The following CYLD variants were observed in gnomAD, a reference collection of about 807,000 sequenced individuals.
CYLD encodes the protein ubiquitin carboxyl-terminal hydrolase CYLD.
Under a neutral mutation model 104.5 loss-of-function variants are expected in CYLD, and 26 were observed. The ratio of observed to expected loss-of-function variants is 0.25; its 90% confidence interval spans 0.18 to 0.35. The LOEUF is 0.35. CYLD is among the 10% of genes least tolerant of loss of function. The pLI, the probability that CYLD is intolerant of heterozygous loss-of-function variation, is 1.00. For synonymous variants in CYLD, 385 were observed against 399.9 expected, an observed-to-expected ratio of 0.96 and a Z score of 0.45; for missense variants, 703 against 1,136.1, an observed-to-expected ratio of 0.62 and a Z score of 5.48.
rs753052577 is a variant in CYLD, at chr16:50,794,250, C to A, written c.2508C>A (p.Asn836Lys). 2 of 1,614,164 alleles carry A rather than the reference C, an allele frequency of 1.2e-6. No homozygotes were observed. The highest frequency in any genetic ancestry group is 1.7e-6 in the Non-Finnish European group (2 of 1,180,024). ...LHPKRLNHKY[N>K]PVSLPKDLPD... ...CGAAGAGGCTGAATCATAAATATAA[C>A]CCAGTGTCACTTCCCAAAGACTTAC... The change falls in exon 18 of 19, where the codon AAC (asparagine) becomes AAA (lysine). Residue 836 changes from asparagine (N) to lysine (K), a missense_variant. Coordinates refer to ENST00000427738, the MANE Select transcript of CYLD (RefSeq NM_001378743.1). This position sits in a 1 kb window ranked among gnomAD's most constrained non-coding sequence, Gnocchi z 4.1.
chr16:50,790,218 G>C (rs1971291119), intron 14 of CYLD, among the ~76,000 whole-genome samples: 1 of 152,180 alleles, frequency 6.6e-6, no homozygotes, highest in South Asian at 2.1e-4. Context: ...ACTTACTATA[G>C]GATGTACTTC....
chr16:50,760,018 A>C (rs1967721028), intron 5 of CYLD, among the ~76,000 whole-genome samples: 1 of 152,194 alleles, frequency 6.6e-6, no homozygotes, highest in Non-Finnish European at 1.5e-5. Flanking sequence ...TATATTGAGC[A>C]TCCTTATGCA....
chr16:50,796,268 G>A (rs931094645), intron 18 of CYLD, 56 bp from the exon 19 acceptor site: 2 of 1,550,980 alleles, frequency 1.3e-6, no homozygotes, highest in Non-Finnish European at 1.8e-6. Flanking sequence ...TAAAATCACT[G>A]GCAAAAGGGT....
At chr16:50,761,285 T>A (rs540444088) in intron 5 of CYLD, among the ~76,000 whole-genome samples, 1 of 152,334 alleles carries the variant, frequency 6.6e-6, no homozygotes, top group African/African-American at 2.4e-5. Context: ...TTGTTTTTAT[T>A]GTGGTAAAAT....
chr16:50,796,583 G>A lies in CYLD; in HGVS notation c.*75G>A. On this transcript the variant is annotated 3_prime_UTR_variant, in exon 19 of 19. Coordinates refer to ENST00000427738, the MANE Select transcript of CYLD (RefSeq NM_001378743.1). ...GCATCTTATTCGAGCTGGCAGTTCT[G>A]TTCACGTCCATTGCCGGCAATGGAT... The A allele has an allele frequency of 6.8e-7, 1 of 1,478,260 alleles. No homozygotes were observed. The highest frequency in any genetic ancestry group is 9.4e-7 in the Non-Finnish European group (1 of 1,069,160). 91.6% of individuals were successfully genotyped at this position (1,478,260 alleles called of 1,614,324 possible).
chr16:50,789,714 A>G (rs1971238770), intron 14 of CYLD, among the ~76,000 whole-genome samples: 1 of 152,220 alleles, frequency 6.6e-6, no homozygotes, highest in African/African-American at 2.4e-5. Flanking sequence ...GATGCAACAA[A>G]TAGGAGGATA....
chr16:50,796,594 T>C lies in CYLD; in HGVS notation c.*86T>C. On this transcript the variant is annotated 3_prime_UTR_variant, in exon 19 of 19. Transcript: ENST00000427738. The stretch of plus-strand genomic sequence containing the variant: ...GAGCTGGCAGTTCTGTTCACGTCCA[T>C]TGCCGGCAATGGATGTCTTTGTGGT... 1 of 1,323,794 alleles carries C rather than the reference T, an allele frequency of 7.6e-7. No homozygotes were observed. Among genetic ancestry groups the C allele is most frequent in the Non-Finnish European group, 1.1e-6 (1 of 929,638 alleles). 82.0% of individuals were successfully genotyped at this position (1,323,794 alleles called of 1,614,324 possible).
intron 5 of CYLD, among the ~76,000 whole-genome samples, chr16:50,759,012 G>A (rs1040255502): frequency 5.3e-5 from 8 of 152,154 alleles, no homozygotes; most frequent in African/African-American, 1.7e-4. Context: ...GCCGAAGTGG[G>A]CAGATCACGT....
chr16:50,743,062 G>T (rs1166222738), intron 2 of CYLD, among the ~76,000 whole-genome samples: 1 of 152,032 alleles, frequency 6.6e-6, no homozygotes, highest in Non-Finnish European at 1.5e-5. Context: ...CCAAGCCTGT[G>T]GCCTTGCAGT....
At chr16:50,793,410 A>T in intron 16 of CYLD, 136 bp from the exon 17 acceptor site, 2 of 767,328 alleles carry the variant, frequency 2.6e-6, no homozygotes, top group East Asian at 4.9e-5. Context: ...GCTTAAGCAG[A>T]TGGAAGAGAA....
chr16:50,773,863 G>A (rs1380743862), intron 5 of CYLD, among the ~76,000 whole-genome samples: 1 of 152,166 alleles, frequency 6.6e-6, no homozygotes, highest in Admixed American at 6.5e-5. Flanking sequence ...CTGATGGAAT[G>A]TCTTCTTCTT....
intron 5 of CYLD, among the ~76,000 whole-genome samples, chr16:50,760,919 A>T (rs769255540): frequency 2.0e-5 from 3 of 152,220 alleles, no homozygotes; most frequent in Non-Finnish European, 4.4e-5. Flanking sequence ...AGTAGAATAC[A>T]AGGGGGAACT....
Position 50,796,501 on chromosome 16 carries a change from A to G in CYLD, c.2864A>G (p.Tyr955Cys). The change falls in exon 19 of 19, where the codon TAC becomes TGC. Residue 955 changes from tyrosine (Y) to cysteine (C), a missense_variant. Around this residue, in one of 5 missense-constraint regions of CYLD, gnomAD observed 130 missense variants for 220.2 expected, o/e 0.59. Transcript: ENST00000427738. ...CMYQSPTMSL[Y>C]K ...TACCAGAGTCCAACAATGAGTTTGT[A>G]CAAATAACTGGGGTCATCGGGAAAG... The G allele has an allele frequency of 6.2e-7, 1 of 1,613,242 alleles. No homozygotes were observed. Among genetic ancestry groups the G allele is most frequent in the Non-Finnish European group, 8.5e-7 (1 of 1,179,996 alleles).
rs1247453965 is a variant in CYLD, at chr16:50,782,469, A to G, written c.1826+3A>G. On this transcript the variant is annotated splice_donor_region_variant and intron_variant, in intron 11 of 18. Transcript: ENST00000427738. Reference sequence around the variant, plus strand: ...TACTTAGACTCAACCTTATTCTGGTAAGTTTAAAAAGAATGCAATAGGTAT... The same window carrying G: ...TACTTAGACTCAACCTTATTCTGGTGAGTTTAAAAAGAATGCAATAGGTAT... 6.2e-7 allele frequency: 1 copy of G among 1,613,958 alleles called. No individual in the cohort carries two copies. The highest frequency in any genetic ancestry group is 1.1e-5 in the South Asian group (1 of 91,076).
In CYLD at chr16:50,798,164, A is replaced by G. The variant is rs925305383; in HGVS notation, c.*1656A>G. On this transcript the variant is annotated 3_prime_UTR_variant, in exon 19 of 19. Coordinates refer to ENST00000427738, the MANE Select transcript of CYLD (RefSeq NM_001378743.1). The stretch of plus-strand genomic sequence containing the variant: ...TCACCCTGTAATAAATATGTGTTGA[A>G]TGAAGAAATGGGTGAATGAGCTTGT... The G allele has an allele frequency of 8.6e-6, 2 of 231,852 alleles. No homozygotes were observed. Among genetic ancestry groups the G allele is most frequent in the African/African-American group, 4.4e-5 (2 of 45,284 alleles). The allele number at this position is 231,852 out of a possible 1,614,324, so 14.4% of individuals were successfully genotyped here. A position where few individuals can be genotyped will look rare whatever the true frequency, so the allele number is the denominator to read the frequency against.
At chr16:50,787,569 C>A in intron 13 of CYLD, 1 of 481,836 alleles carries the variant, frequency 2.1e-6, no homozygotes, top group Non-Finnish European at 3.7e-6. Flanking sequence ...ATGTAATAAA[C>A]TCACAACAAA....
intron 3 of CYLD, 132 bp from the exon 4 acceptor site, chr16:50,751,472 A>G: frequency 1.5e-6 from 1 of 654,222 alleles, no homozygotes; most frequent in Non-Finnish European, 2.6e-6. Context: ...AACTGCTAAT[A>G]ATTGTATTTC....
At position 50,754,644 on chromosome 16, in the gene CYLD, T is replaced by G. The variant is rs1211469602; in HGVS notation, c.913+220T>G. On this transcript the variant is annotated intron_variant, in intron 5 of 18. Transcript: ENST00000427738. The stretch of plus-strand genomic sequence containing the variant: ...CTTGCCACCCCCCATTCTTTCCCCC[T>G]GAGTCCCCAAAGTCCAATGTATTAT... Among the ~76,000 whole-genome samples, 5 of 149,116 alleles carry G rather than the reference T, an allele frequency of 3.4e-5. No individual in the cohort carries two copies. The Admixed American group carries it at 3.4e-4, about 10-fold the overall frequency.
At chr16:50,791,418 C>T in intron 14 of CYLD, 140 bp from the exon 15 acceptor site, 1 of 769,118 alleles carries the variant, frequency 1.3e-6, no homozygotes, top group Non-Finnish European at 2.1e-6. Context: ...ATTTATTTCT[C>T]TCTGTTGTTC....
Sources: gnomAD v4.1 joint callset for allele counts (sites outside exome capture counted in the v4.1 genomes callset) on GRCh38, gnomAD v4.1.1 for gene constraint, gnomAD v4.1.1 regional missense constraint, Gnocchi (gnomAD v3.1) non-coding constraint, MANE v1.5 for transcripts, NCBI Gene and HGNC (gene_info 2026-07-23, HGNC 2026-07-21) for gene names.